MED26: variants seen among roughly 807,000 people sequenced by gnomAD.
MED26 encodes the protein mediator of RNA polymerase II transcription subunit 26.
Under a neutral mutation model 43.7 loss-of-function variants are expected in MED26, and 7 were observed. The ratio of observed to expected loss-of-function variants is 0.16; its 90% CI spans 0.09 to 0.30. The LOEUF is 0.30. Among genes scored for constraint, MED26 ranks in the 10% least tolerant of loss-of-function variants. MED26 has a pLI of 1.00. For synonymous variants in MED26, 375 were observed against 371.1 expected (o/e 1.01, Z -0.12); for missense variants, 784 against 840.6 (o/e 0.93, Z 0.83).
chr19:16,625,624 G>A (rs1165433969), intron 1 of MED26, among the ~76,000 whole-genome samples: 1 of 152,006 alleles, frequency 6.6e-6, no homozygotes, highest in Non-Finnish European at 1.5e-5. Context: ...AGGGCAGAGA[G>A]GAGAGAGCGG....
intron 1 of MED26, among the ~76,000 whole-genome samples, chr19:16,590,103 C>G (rs1250488274): frequency 2.6e-5 from 4 of 152,242 alleles, no homozygotes; most frequent in Non-Finnish European, 4.4e-5. Flanking sequence ...GGCAGGAGTA[C>G]TCAACAGATG....
intron 1 of MED26, among the ~76,000 whole-genome samples, chr19:16,600,379 T>C (rs2086143056): frequency 6.6e-6 from 1 of 152,162 alleles, no homozygotes. Context: ...AAAATCCACT[T>C]TTACCTGGAG....
At chr19:16,580,058 G>A (rs532335924) in intron 1 of MED26, among the ~76,000 whole-genome samples, 8 of 152,256 alleles carry the variant, frequency 5.3e-5, no homozygotes, top group Admixed American at 2.0e-4. Flanking sequence ...TGCAACCGAC[G>A]GCAGTGACAG....
At chr19:16,607,807 T>C (rs546067984) in intron 1 of MED26, among the ~76,000 whole-genome samples, 1 of 152,390 alleles carries the variant, frequency 6.6e-6, no homozygotes, top group Non-Finnish European at 1.5e-5. Flanking sequence ...TCTTCCAATG[T>C]GGCTCAGAGA....
intron 1 of MED26, among the ~76,000 whole-genome samples, chr19:16,605,904 AACT>A (rs1752956595): frequency 6.6e-6 from 1 of 152,226 alleles, no homozygotes; most frequent in South Asian, 2.1e-4. Context: ...CTTCCTATCG[AACT>A]CCTGGTTACA....
At chr19:16,582,869 G>C (rs537013495) in intron 1 of MED26, among the ~76,000 whole-genome samples, 105 of 152,364 alleles carry the variant, frequency 6.9e-4, no homozygotes, top group Non-Finnish European at 1.4e-3. Flanking sequence ...TGCGGCAGGG[G>C]AGAGGCCATG....
chr19:16,602,818 G>A (rs550331637), intron 1 of MED26, among the ~76,000 whole-genome samples: 17 of 152,250 alleles, frequency 1.1e-4, no homozygotes, highest in South Asian at 4.1e-4. Flanking sequence ...CAGTACGTGC[G>A]CCCAGGGCTC....
intron 1 of MED26, among the ~76,000 whole-genome samples, chr19:16,600,365 C>T (rs2086142989): frequency 6.6e-6 from 1 of 152,200 alleles, no homozygotes; most frequent in Non-Finnish European, 1.5e-5. Context: ...CTGGATCTGG[C>T]CTCAAAATCC....
At chr19:16,618,423 G>A (rs2086235659) in intron 1 of MED26, among the ~76,000 whole-genome samples, 1 of 152,192 alleles carries the variant, frequency 6.6e-6, no homozygotes, top group South Asian at 2.1e-4. Flanking sequence ...CAGCTGGCCA[G>A]CACCTGCACT....
In MED26 at chr19:16,575,880, G is replaced by GT. The variant is rs2085992712; in HGVS notation, c.*146dup. 1 of 653,432 alleles carries GT rather than the reference G, an allele frequency of 1.5e-6. No individual in the cohort carries two copies. The allele number at this position is 653,432 out of a possible 1,614,324, so 40.5% of individuals were successfully genotyped here. The stretch of plus-strand genomic sequence containing the variant: ...TGAGGGAAGAGCGCAGAGAGACCGC[G>GT]TGACTCCCGCCCCCTCCCTCCCGCC... On this transcript the variant is annotated 3_prime_UTR_variant, in exon 3 of 3. Coordinates refer to ENST00000263390, the MANE Select transcript of MED26 (RefSeq NM_004831.5).
At chr19:16,578,262 C>T (rs759886092) in intron 2 of MED26, 73 bp downstream of exon 2, 30 of 1,360,950 alleles carry the variant, frequency 2.2e-5, no homozygotes, top group South Asian at 4.7e-5. Flanking sequence ...CCAGAAGCTG[C>T]GGAAGGACCT....
In MED26 at chr19:16,577,371, C is replaced by G. The variant is rs758199176; in HGVS notation, c.459G>C (p.Gln153His). 13 of 1,610,910 alleles carry G rather than the reference C, an allele frequency of 8.1e-6. No individual in the cohort carries two copies. In the Admixed American group the frequency reaches 8.3e-5, roughly 10 times the overall value. ...GCGGCCCTGGGTGGCCGAGGTCACGCTGGTCACCCCGGCGCTTGCGGCTGC... is the reference window on the plus strand; with the variant it reads ...GCGGCCCTGGGTGGCCGAGGTCACGGTGGTCACCCCGGCGCTTGCGGCTGC... The part of the protein sequence containing the change: ...RLGSRKRRGD[Q>H]RDLGHPGPPP... Residue 153 changes from glutamine (Q) to histidine (H), a missense_variant, in exon 3 of 3, where the codon CAG (glutamine) becomes CAC (histidine). Gln to His is a conservative substitution (Grantham distance 24). This residue lies in a region of MED26 where 719 missense variants were observed against 730.9 expected (regional missense o/e 0.98). Transcript: ENST00000263390. The surrounding 1 kb of genome is among the most constrained non-coding windows in gnomAD (Gnocchi z 8.1).
intron 1 of MED26, among the ~76,000 whole-genome samples, chr19:16,625,128 G>T (rs996459986): frequency 6.6e-6 from 1 of 152,184 alleles, no homozygotes; most frequent in African/African-American, 2.4e-5. Context: ...GGCTGAAAGG[G>T]TGCACGACGA....
chr19:16,612,432 A>C (rs2086203877), intron 1 of MED26, among the ~76,000 whole-genome samples: 1 of 151,466 alleles, frequency 6.6e-6, no homozygotes, highest in South Asian at 2.1e-4. Context: ...CTACAGGCAC[A>C]TGCCACCAGC....
chr19:16,580,775 C>G (rs1276961174), intron 1 of MED26, among the ~76,000 whole-genome samples: 2 of 152,158 alleles, frequency 1.3e-5, no homozygotes, highest in Non-Finnish European at 2.9e-5. Context: ...GCTCACACCC[C>G]CTCCCCTTAT....
intron 1 of MED26, among the ~76,000 whole-genome samples, chr19:16,594,720 T>TA (rs554857648): frequency 6.6e-5 from 10 of 150,398 alleles, no homozygotes; most frequent in South Asian, 2.1e-4. Context: ...TTTTTTAACT[T>TA]AAAAAAAAAA....
Position 16,586,957 on chromosome 19 carries a change from C to CA in MED26, c.73-8549dup, listed in dbSNP as rs1197165850. 6.7e-6 allele frequency: 1 copy of CA among 149,556 alleles called. No individual in the cohort carries two copies. The highest frequency in any genetic ancestry group is 1.5e-5 in the Non-Finnish European group (1 of 67,570). 9.3% of individuals were successfully genotyped at this position (149,556 alleles called of 1,614,324 possible). A position where few individuals can be genotyped will look rare whatever the true frequency, so the allele number is the denominator to read the frequency against. On this transcript the variant is annotated intron_variant, in intron 1 of 2. Coordinates refer to ENST00000263390, the MANE Select transcript of MED26 (RefSeq NM_004831.5). This position sits in a 1 kb window ranked among gnomAD's most constrained non-coding sequence, Gnocchi z 5.1. ...GCAGAATGGTCTAGACAGTAATTTACAAAAACTACTTAGCTCAAAAGACTG... is the reference window on the plus strand; with the variant it reads ...GCAGAATGGTCTAGACAGTAATTTACAAAAAACTACTTAGCTCAAAAGACTG...
At chr19:16,584,324 AAAAC>A (rs2122390312) in intron 1 of MED26, among the ~76,000 whole-genome samples, 1 of 152,042 alleles carries the variant, frequency 6.6e-6, no homozygotes, top group East Asian at 1.9e-4. Context: ...AAAAAAACAA[AAAAC>A]AAAACAAAAA....
At chr19:16,594,796 G>C (rs2086112922) in intron 1 of MED26, among the ~76,000 whole-genome samples, 1 of 152,096 alleles carries the variant, frequency 6.6e-6, no homozygotes, top group Non-Finnish European at 1.5e-5. Flanking sequence ...CACAGAAAAT[G>C]CAACAGTGCA....
Sources: allele counts gnomAD v4.1 joint callset (sites outside exome capture counted in the v4.1 genomes callset), GRCh38; gene constraint gnomAD v4.1.1; regional missense constraint gnomAD v4.1.1; non-coding constraint Gnocchi (gnomAD v3.1); transcripts MANE v1.5; gene names NCBI Gene and HGNC (gene_info 2026-07-23, HGNC 2026-07-21).